Variants in HPSE2 observed in about 807,000 individuals in gnomAD.
HPSE2 encodes the protein inactive heparanase-2.
HPSE2 carries 38 observed loss-of-function variants against 60.5 expected under a neutral mutation model. That is an observed-to-expected ratio of 0.63 (90% confidence interval 0.48 to 0.82). HPSE2 has a LOEUF of 0.82. HPSE2 is among the 40% of genes least tolerant of loss of function. The probability of loss-of-function intolerance (pLI) is 0.00; values close to 1 mark genes in which losing one functional copy is unlikely to be tolerated. For synonymous variants in HPSE2, 295 were observed against 293.2 expected (o/e 1.01, Z -0.06); for missense variants, 713 against 740.4 (o/e 0.96, Z 0.43).
intron 7 of HPSE2, among the ~76,000 whole-genome samples, chr10:98,640,653 T>C (rs1335730013): frequency 3.9e-5 from 6 of 152,234 alleles, no homozygotes; most frequent in African/African-American, 1.4e-4. Flanking sequence ...CTACCTGTTA[T>C]AATTTTTCTG....
chr10:98,822,063 G>A lies in HPSE2; in HGVS notation c.611-78007C>T, dbSNP rs144142651. ...AAACTGCTATTACCAGAATCTATAT[G>A]TCTTTTAAAAACCTTACTCAAAATG... On this transcript the variant is annotated intron_variant, in intron 3 of 11. Coordinates refer to ENST00000370552, the MANE Select transcript of HPSE2 (RefSeq NM_021828.5). 1.5e-3 allele frequency among the ~76,000 whole-genome samples: 223 copies of A among 152,208 alleles called. 2 individuals are homozygous for A. Among genetic ancestry groups the A allele is most frequent in the African/African-American group, 5.1e-3 (212 of 41,542 alleles).
At chr10:98,696,612 A>AGC (rs71864632) in intron 5 of HPSE2, among the ~76,000 whole-genome samples, 1 of 126,474 alleles carries the variant, frequency 7.9e-6, no homozygotes, top group Non-Finnish European at 1.7e-5. Context: ...CAACCATGGA[A>AGC]TGCGTAGATT....
At chr10:98,799,086 A>G (rs1287606116) in intron 3 of HPSE2, among the ~76,000 whole-genome samples, 1 of 152,202 alleles carries the variant, frequency 6.6e-6, no homozygotes, top group Non-Finnish European at 1.5e-5. Context: ...AAATAAAGGG[A>G]TGGAAAAAGA....
intron 9 of HPSE2, among the ~76,000 whole-genome samples, chr10:98,571,445 G>A (rs1051196517): frequency 2.0e-5 from 3 of 152,096 alleles, no homozygotes; most frequent in African/African-American, 4.8e-5. Context: ...ATGAATGATC[G>A]TTGAATGGGC....
intron 9 of HPSE2, among the ~76,000 whole-genome samples, chr10:98,605,147 A>G (rs1001029698): frequency 3.9e-5 from 6 of 152,192 alleles, no homozygotes; most frequent in Non-Finnish European, 7.3e-5. Context: ...TACCTCAGAC[A>G]TCTAAAAAAT....
chr10:98,729,840 C>T (rs1949185615), intron 4 of HPSE2, among the ~76,000 whole-genome samples: 1 of 151,768 alleles, frequency 6.6e-6, no homozygotes, highest in African/African-American at 2.4e-5. Context: ...CTAACACCAC[C>T]ATCAAAATAC....
chr10:98,841,120 T>C (rs1218653183), intron 3 of HPSE2, among the ~76,000 whole-genome samples: 1 of 152,078 alleles, frequency 6.6e-6, no homozygotes, highest in Non-Finnish European at 1.5e-5. Flanking sequence ...TAGCTAAGCC[T>C]GGTAGTGCAG....
intron 3 of HPSE2, among the ~76,000 whole-genome samples, chr10:98,860,179 G>A (rs1251607322): frequency 6.6e-6 from 1 of 152,036 alleles, no homozygotes; most frequent in Non-Finnish European, 1.5e-5. Flanking sequence ...TGTTTCCCTG[G>A]AGAACTCTGA....
At chr10:98,595,781 G>T (rs1945218764) in intron 9 of HPSE2, among the ~76,000 whole-genome samples, 1 of 152,092 alleles carries the variant, frequency 6.6e-6, no homozygotes, top group Non-Finnish European at 1.5e-5. Context: ...CCTTTTTCCT[G>T]ATCTTAGAGG....
At chr10:98,831,472 A>G (rs1362629571) in intron 3 of HPSE2, among the ~76,000 whole-genome samples, 2 of 152,222 alleles carry the variant, frequency 1.3e-5, no homozygotes, top group Non-Finnish European at 2.9e-5. Flanking sequence ...AGCACAACTG[A>G]GTAACAGGAA....
intron 3 of HPSE2, among the ~76,000 whole-genome samples, chr10:98,955,664 C>T (rs1012242562): frequency 6.6e-6 from 1 of 152,096 alleles, no homozygotes; most frequent in Non-Finnish European, 1.5e-5. Flanking sequence ...CATGTATGTT[C>T]ACTGCAGCAC....
intron 9 of HPSE2, among the ~76,000 whole-genome samples, chr10:98,555,629 A>G (rs935258922): frequency 1.4e-4 from 22 of 152,178 alleles, no homozygotes; most frequent in African/African-American, 4.3e-4. Flanking sequence ...TCTTCTGTGT[A>G]TTTCCATTTA....
intron 9 of HPSE2, among the ~76,000 whole-genome samples, chr10:98,539,155 A>G (rs1412260188): frequency 6.6e-6 from 1 of 152,180 alleles, no homozygotes; most frequent in Non-Finnish European, 1.5e-5. Context: ...TTGTCAAACC[A>G]TTTTATCAAC....
At chr10:98,950,851 T>A (rs1955335765) in intron 3 of HPSE2, among the ~76,000 whole-genome samples, 1 of 152,202 alleles carries the variant, frequency 6.6e-6, no homozygotes, top group Non-Finnish European at 1.5e-5. Context: ...AATGCCATTG[T>A]GATGCTTAGT....
intron 4 of HPSE2, among the ~76,000 whole-genome samples, chr10:98,727,839 T>C (rs1390142028): frequency 6.6e-6 from 1 of 152,094 alleles, no homozygotes; most frequent in Non-Finnish European, 1.5e-5. Context: ...CACAATGAGA[T>C]TAACAGCTCA....
At chr10:99,008,209 C>T (rs887181060) in intron 3 of HPSE2, among the ~76,000 whole-genome samples, 1 of 152,178 alleles carries the variant, frequency 6.6e-6, no homozygotes, top group Non-Finnish European at 1.5e-5. Flanking sequence ...TAAGAGAAAA[C>T]GAGTGCTTTA....
At position 99,041,106 on chromosome 10, in the gene HPSE2, A is replaced by T. The variant is rs552645769; in HGVS notation, c.610+103132T>A. Among the ~76,000 whole-genome samples the T allele has an allele frequency of 3.2e-4, 48 of 152,106 alleles. 1 individual carries two copies. The East Asian group carries it at 7.0e-3, about 22-fold the overall frequency. The stretch of plus-strand genomic sequence containing the variant: ...CATCTCAAAAAAAAAAAAAAATTGC[A>T]TAGTCAAGTATTCAGCACATTGATC... On this transcript the variant is annotated intron_variant, in intron 3 of 11. Transcript: ENST00000370552.
At chr10:98,635,628 AAAAAT>A (rs1321545643) in intron 7 of HPSE2, among the ~76,000 whole-genome samples, 1 of 152,042 alleles carries the variant, frequency 6.6e-6, no homozygotes, top group Non-Finnish European at 1.5e-5. Context: ...AAAAAAATTA[AAAAAT>A]TAGCCAGGTG....
upstream of HPSE2, among the ~76,000 whole-genome samples, chr10:99,240,138 G>A (rs546116206): frequency 1.6e-4 from 25 of 152,062 alleles, 1 homozygote; most frequent in Admixed American, 1.3e-3. Context: ...ACAGTGAGCC[G>A]AGATCATGCC....
Sources: gnomAD v4.1 joint callset for allele counts (sites outside exome capture counted in the v4.1 genomes callset) on GRCh38, gnomAD v4.1.1 for gene constraint, MANE v1.5 for transcripts, NCBI Gene and HGNC (gene_info 2026-07-23, HGNC 2026-07-21) for gene names.